The following SEMA3A variants were observed in gnomAD, a reference collection of about 807,000 sequenced individuals.
SEMA3A encodes semaphorin 3A.
Under a neutral mutation model 97.9 loss-of-function variants are expected in SEMA3A, and 29 were observed. The observed-to-expected ratio is 0.30, with a 90% CI of 0.22 to 0.40. The LOEUF is 0.40. Among genes scored for constraint, SEMA3A ranks in the 10% least tolerant of loss-of-function variants. SEMA3A has a pLI of 1.00. For synonymous variants in SEMA3A, 321 were observed against 323.7 expected (o/e 0.99, Z 0.09); for missense variants, 763 against 951.3 (o/e 0.80, Z 2.60).
intron 2 of SEMA3A, among the ~76,000 whole-genome samples, chr7:84,323,625 C>T (rs1801705268): frequency 6.6e-6 from 1 of 151,978 alleles, no homozygotes; most frequent in African/African-American, 2.4e-5. Context: ...AAAAATGCTT[C>T]CATGCTAAAT....
chr7:84,223,427 C>T (rs1467626924), intron 3 of SEMA3A, among the ~76,000 whole-genome samples: 1 of 151,672 alleles, frequency 6.6e-6, no homozygotes, highest in African/African-American at 2.4e-5. Flanking sequence ...AGAGGTTAAG[C>T]CACTGACAAA....
chr7:84,441,594 G>A (rs1381090261), intron 1 of SEMA3A, among the ~76,000 whole-genome samples: 2 of 151,874 alleles, frequency 1.3e-5, no homozygotes, highest in Non-Finnish European at 2.9e-5. Flanking sequence ...AAAGAAAAGA[G>A]AAAGAAAGCA....
At chr7:84,045,113 G>A (rs1176689174) in intron 6 of SEMA3A, among the ~76,000 whole-genome samples, 1 of 151,990 alleles carries the variant, frequency 6.6e-6, no homozygotes, top group Non-Finnish European at 1.5e-5. Context: ...GAATTTCAAT[G>A]AGGTCTATAG....
intron 1 of SEMA3A, among the ~76,000 whole-genome samples, chr7:84,144,169 TAATA>T (rs1473070553): frequency 1.3e-5 from 2 of 151,680 alleles, no homozygotes; most frequent in South Asian, 2.1e-4. Context: ...ATAATAATAA[TAATA>T]AATAAAGTGA....
intron 3 of SEMA3A, among the ~76,000 whole-genome samples, chr7:84,208,720 TTAAGTA>T (rs1798557709): frequency 6.6e-6 from 1 of 152,242 alleles, no homozygotes; most frequent in African/African-American, 2.4e-5. Flanking sequence ...TTCTGGCATC[TTAAGTA>T]TAAGTGGAAC....
intron 1 of SEMA3A, among the ~76,000 whole-genome samples, chr7:84,139,365 A>G (rs1045543044): frequency 7.2e-5 from 11 of 152,040 alleles, no homozygotes; most frequent in African/African-American, 2.7e-4. Context: ...GTCGAGCTAT[A>G]AGAGAAGCAA....
chr7:84,250,935 G>T (rs1198189254), intron 3 of SEMA3A, among the ~76,000 whole-genome samples: 1 of 152,090 alleles, frequency 6.6e-6, no homozygotes, highest in African/African-American at 2.4e-5. Context: ...ATTTGACAAA[G>T]TATGCGTATG....
chr7:84,466,561 T>C (rs901778293), intron 1 of SEMA3A, among the ~76,000 whole-genome samples: 4 of 152,230 alleles, frequency 2.6e-5, no homozygotes, highest in Non-Finnish European at 5.9e-5. Context: ...AATTCTCTGC[T>C]CTTTCTTAAG....
At chr7:84,138,738 C>T (rs1245759718) in intron 1 of SEMA3A, among the ~76,000 whole-genome samples, 1 of 152,080 alleles carries the variant, frequency 6.6e-6, no homozygotes, top group African/African-American at 2.4e-5. Flanking sequence ...AGATGTTCTT[C>T]TCCAACACGA....
intron 12 of SEMA3A, among the ~76,000 whole-genome samples, chr7:84,000,748 T>C (rs887104685): frequency 1.2e-4 from 18 of 152,196 alleles, no homozygotes; most frequent in Non-Finnish European, 1.0e-4. Context: ...AATTCACCAG[T>C]TGTATGTTTC....
At chr7:84,151,124 A>G (rs1783359620) in intron 1 of SEMA3A, among the ~76,000 whole-genome samples, 2 of 150,000 alleles carry the variant, frequency 1.3e-5, no homozygotes, top group African/African-American at 4.8e-5. Flanking sequence ...AGTAGATAAA[A>G]CCACAAAGAT....
chr7:84,254,163 T>C (rs1387230812), intron 3 of SEMA3A, among the ~76,000 whole-genome samples: 2 of 152,166 alleles, frequency 1.3e-5, no homozygotes, highest in East Asian at 3.9e-4. Flanking sequence ...TCTCAGTCTT[T>C]TATTCTAAAC....
chr7:84,289,618 T>C (rs1325230269), intron 3 of SEMA3A, among the ~76,000 whole-genome samples: 1 of 152,032 alleles, frequency 6.6e-6, no homozygotes, highest in Non-Finnish European at 1.5e-5. Flanking sequence ...AAATATATAA[T>C]GACAAATGTT....
At chr7:84,075,298 C>A (rs534227659) in intron 4 of SEMA3A, among the ~76,000 whole-genome samples, 20 of 151,550 alleles carry the variant, frequency 1.3e-4, no homozygotes, top group Admixed American at 1.3e-3. Flanking sequence ...CTCAGCCTCC[C>A]GAGTAGCTGG....
intron 3 of SEMA3A, among the ~76,000 whole-genome samples, chr7:84,293,256 T>C (rs535536766): frequency 6.6e-6 from 1 of 152,214 alleles, no homozygotes; most frequent in South Asian, 2.1e-4. Context: ...TGCCATGGAC[T>C]GACATAATTA....
chr7:84,157,549 T>G (rs1230630976), intron 1 of SEMA3A, among the ~76,000 whole-genome samples: 1 of 152,182 alleles, frequency 6.6e-6, no homozygotes, highest in South Asian at 2.1e-4. Context: ...CTTATCTACT[T>G]TGTTTGCATA....
At position 84,090,606 on chromosome 7, in the gene SEMA3A, T is replaced by G. The variant is rs1342539257; in HGVS notation, c.453+19864A>C. 3.9e-5 allele frequency among the ~76,000 whole-genome samples: 6 copies of G among 152,136 alleles called. No homozygotes were observed. The South Asian group carries it at 1.0e-3, about 26-fold the overall frequency. On this transcript the variant is annotated intron_variant, in intron 4 of 16. Transcript: ENST00000265362. ...GAAAATAAATAAAAGGGGAACCAAA[T>G]GTATGCTTTTAACTAAGCAATTTTC...
intron 13 of SEMA3A, among the ~76,000 whole-genome samples, chr7:83,982,402 C>A (rs1298145656): frequency 6.6e-6 from 1 of 152,116 alleles, no homozygotes; most frequent in Non-Finnish European, 1.5e-5. Context: ...TTCAGTACAA[C>A]TTTTAAAATG....
chr7:84,461,721 T>C (rs767984361), intron 1 of SEMA3A, among the ~76,000 whole-genome samples: 17 of 152,290 alleles, frequency 1.1e-4, no homozygotes, highest in Non-Finnish European at 2.2e-4. Flanking sequence ...CTAATTCATA[T>C]ACTATTAGCA....
Sources: gnomAD v4.1 joint callset for allele counts (sites outside exome capture counted in the v4.1 genomes callset) on GRCh38, gnomAD v4.1.1 for gene constraint, MANE v1.5 for transcripts, NCBI Gene and HGNC (gene_info 2026-07-23, HGNC 2026-07-21) for gene names.